The following C2orf49 variants were observed in gnomAD, a reference collection of about 807,000 sequenced individuals.
C2orf49 encodes the protein tRNA splicing ligase complex subunit 2.
In C2orf49, 11 loss-of-function variants were observed where a neutral mutation model predicts 20.6. That is an observed-to-expected ratio of 0.53 (90% CI 0.34 to 0.88). C2orf49 has a LOEUF of 0.88. C2orf49 is among the 40% of genes least tolerant of loss of function. The probability of loss-of-function intolerance (pLI) is 0.02; values close to 1 mark genes in which losing one functional copy is unlikely to be tolerated. For synonymous variants in C2orf49, 134 were observed against 108.5 expected (o/e 1.24, Z -1.46); for missense variants, 289 against 274.2 (o/e 1.05, Z -0.38).
the C2orf49 span, among the ~76,000 whole-genome samples, chr2:105,365,250 G>T: frequency 1.3e-5 from 2 of 152,168 alleles, no homozygotes. Flanking sequence ...AACTACTGAC[G>T]GGTTTGACAC....
Position 105,345,584 on chromosome 2 carries a change from A to G in C2orf49, c.*213A>G. On this transcript the variant is annotated 3_prime_UTR_variant, in exon 4 of 4. Transcript: ENST00000258457. ...TTGCCTGTCTTGCCCTGATTAGGAA[A>G]GAATATCTTTTTAAACCAATGGCTT... The G allele has an allele frequency of 5.2e-6, 3 of 577,432 alleles. No individual in the cohort carries two copies. Among genetic ancestry groups the G allele is most frequent in the Non-Finnish European group, 9.2e-6 (3 of 324,604 alleles). The allele number at this position is 577,432 out of a possible 1,614,324, so 35.8% of individuals were successfully genotyped here. A position where few individuals can be genotyped will look rare whatever the true frequency, so the allele number is the denominator to read the frequency against.
the C2orf49 span, among the ~76,000 whole-genome samples, chr2:105,356,425 C>T: frequency 6.6e-6 from 1 of 151,916 alleles, no homozygotes; most frequent in Admixed American, 6.6e-5. Context: ...GGCACACACA[C>T]ACAGCCAGGC....
chr2:105,375,586 T>G, the C2orf49 span: 69,110 of 152,322 alleles, frequency 0.45, 16,767 homozygotes, highest in African/African-American at 0.63. Flanking sequence ...TGCACAGCCT[T>G]GGTGACAGAA....
chr2:105,365,687 A>C, the C2orf49 span, among the ~76,000 whole-genome samples: 1 of 151,806 alleles, frequency 6.6e-6, no homozygotes, highest in Non-Finnish European at 1.5e-5. Context: ...AAAAAAAAAA[A>C]AAAAATTAGG....
At chr2:105,359,408 A>T in the C2orf49 span, 1 of 152,242 alleles carries the variant, frequency 6.6e-6, no homozygotes, top group African/African-American at 2.4e-5. Flanking sequence ...CATTCCAGAC[A>T]TTATCAAACA....
the C2orf49 span, chr2:105,373,838 T>C: frequency 8.7e-7 from 1 of 1,147,400 alleles, no homozygotes; most frequent in Non-Finnish European, 1.3e-6. Context: ...GGAAAGAAGT[T>C]GGGCCGAGGC....
the C2orf49 span, chr2:105,367,558 C>T: frequency 6.2e-7 from 1 of 1,605,740 alleles, no homozygotes; most frequent in Non-Finnish European, 8.5e-7. Context: ...GCCAAGGGGG[C>T]ATCTGAGATA....
At chr2:105,357,394 T>C in the C2orf49 span, among the ~76,000 whole-genome samples, 1 of 152,206 alleles carries the variant, frequency 6.6e-6, no homozygotes, top group Non-Finnish European at 1.5e-5. Context: ...CAGAATTCCA[T>C]TTGATTTATT....
the C2orf49 span, chr2:105,358,549 T>G: frequency 2.0e-5 from 3 of 152,024 alleles, no homozygotes; most frequent in African/African-American, 7.3e-5. Flanking sequence ...AGCTGGGGAG[T>G]GGGGATGGGA....
At chr2:105,378,397 G>A in the C2orf49 span, 331 of 345,592 alleles carry the variant, frequency 9.6e-4, 3 homozygotes, top group African/African-American at 5.3e-3. Flanking sequence ...GGTGAAGGCC[G>A]CATTCTCTCA....
chr2:105,353,045 A>T (rs896491187), downstream of C2orf49, among the ~76,000 whole-genome samples: 12 of 152,158 alleles, frequency 7.9e-5, no homozygotes, highest in Admixed American at 5.9e-4. Flanking sequence ...TGGCACTGGC[A>T]CCTGGTGAGG....
downstream of C2orf49, among the ~76,000 whole-genome samples, chr2:105,351,845 A>G (rs1679943840): frequency 1.3e-5 from 2 of 152,244 alleles, no homozygotes; most frequent in Non-Finnish European, 2.9e-5. Flanking sequence ...CTGACAGAGC[A>G]AGGAAATATA....
the C2orf49 span, chr2:105,363,304 C>T: frequency 3.1e-6 from 5 of 1,614,090 alleles, no homozygotes; most frequent in South Asian, 4.4e-5. Context: ...GGTTGGTGCA[C>T]CCAGCACACT....
chr2:105,350,146 G>C (rs538745813), downstream of C2orf49, among the ~76,000 whole-genome samples: 1 of 152,310 alleles, frequency 6.6e-6, no homozygotes, highest in East Asian at 1.9e-4. Context: ...TTCCTGGTGG[G>C]ATCAGTCCAA....
chr2:105,368,499 CT>C, the C2orf49 span, among the ~76,000 whole-genome samples: 1 of 152,176 alleles, frequency 6.6e-6, no homozygotes, highest in African/African-American at 2.4e-5. Flanking sequence ...TGGCTGAAAT[CT>C]TCATGTGTTA....
chr2:105,344,865 A>G (rs935398191), intron 3 of C2orf49, among the ~76,000 whole-genome samples: 1 of 151,936 alleles, frequency 6.6e-6, no homozygotes, highest in African/African-American at 2.4e-5. Flanking sequence ...GACGTGAGCC[A>G]CCTGCCCAGC....
In C2orf49 at chr2:105,343,008, T is replaced by A. The variant is rs1164881775; in HGVS notation, c.427T>A (p.Ser143Thr). Residue 143 changes from serine to threonine, a missense_variant, in exon 3 of 4, where the codon TCA becomes ACA. Coordinates refer to ENST00000258457, the MANE Select transcript of C2orf49 (RefSeq NM_024093.3). ...SFTSNAFRKL[S>T]NSSSSVSPLI... ...TACCAGTAATGCCTTTAGAAAATTATCAAATTCCTCTTCGAGTGTTTCACC... is the reference window on the plus strand; with the variant it reads ...TACCAGTAATGCCTTTAGAAAATTAACAAATTCCTCTTCGAGTGTTTCACC... The A allele has an allele frequency of 1.1e-5, 18 of 1,614,120 alleles. No individual in the cohort carries two copies. The highest frequency in any genetic ancestry group is 1.5e-5 in the Non-Finnish European group (18 of 1,180,044).
the C2orf49 span, chr2:105,357,643 T>C: frequency 5.3e-4 from 81 of 152,316 alleles, no homozygotes; most frequent in African/African-American, 1.9e-3. Context: ...TTCATTTGCA[T>C]GGATTCAACA....
At chr2:105,367,119 C>A in the C2orf49 span, among the ~76,000 whole-genome samples, 6 of 152,210 alleles carry the variant, frequency 3.9e-5, no homozygotes, top group Non-Finnish European at 2.9e-5. Context: ...TCCATGGAGG[C>A]AGACTTTTCT....
Sources: gnomAD v4.1 joint callset for allele counts (sites outside exome capture counted in the v4.1 genomes callset) on GRCh38, gnomAD v4.1.1 for gene constraint, MANE v1.5 for transcripts, NCBI Gene and HGNC (gene_info 2026-07-23, HGNC 2026-07-21) for gene names.